ZNF491: variants seen among roughly 807,000 people sequenced by gnomAD.
The protein encoded by ZNF491 is zinc finger protein 491.
In ZNF491, 22 loss-of-function variants were observed where a neutral mutation model predicts 34.7. The observed-to-expected ratio is 0.63, with a 90% CI of 0.45 to 0.90. ZNF491 has a LOEUF of 0.90. Ranked by LOEUF, ZNF491 falls within the 40% of genes least tolerant of loss-of-function variation. The pLI, the probability that ZNF491 is intolerant of heterozygous loss-of-function variation, is 0.00. For synonymous variants in ZNF491, 148 were observed against 174.3 expected, an observed-to-expected ratio of 0.85 and a Z score of 1.19; for missense variants, 559 against 531.7, an observed-to-expected ratio of 1.05 and a Z score of -0.51.
At position 11,807,318 on chromosome 19, in the gene ZNF491, T is replaced by C. The variant is rs1220873013; in HGVS notation, c.*51T>C. ...TTTTAATAGAGACAGGGTCTCACTA[T>C]CTTGTCCAGGTTGGTCTTGAACTCC... On this transcript the variant is annotated 3_prime_UTR_variant, in exon 3 of 3. Transcript: ENST00000323169. 1 of 1,395,616 alleles carries C rather than the reference T, an allele frequency of 7.2e-7. No homozygotes were observed. Among genetic ancestry groups the C allele is most frequent in the Non-Finnish European group, 9.5e-7 (1 of 1,050,748 alleles). The allele number at this position is 1,395,616 out of a possible 1,614,324, so 86.5% of individuals were successfully genotyped here.
Position 11,806,136 on chromosome 19 carries a change from A to C in ZNF491, c.183A>C (p.Gly61=). The stretch of plus-strand genomic sequence containing the variant: ...ATAGGAACATCAGAACTGACACTGG[A>C]CACCAACCACATAAGTGTCAGAAAT... ...SFNRNIRTDT[G]HQPHKCQKFL... is the part of the protein sequence containing the mutation. The change falls in exon 3 of 3, where the codon GGA becomes GGC. Residue 61 remains glycine (G), a synonymous_variant. Coordinates refer to ENST00000323169, the MANE Select transcript of ZNF491 (RefSeq NM_152356.4). 6.2e-7 allele frequency: 1 copy of C among 1,613,936 alleles called. No individual in the cohort carries two copies. Among genetic ancestry groups the C allele is most frequent in the Non-Finnish European group, 8.5e-7 (1 of 1,180,018 alleles).
chr19:11,804,783 C>A, intron 2 of ZNF491, 116 bp downstream of exon 2: 1 of 390,358 alleles, frequency 2.6e-6, no homozygotes, highest in Non-Finnish European at 4.0e-6. Context: ...ACAAATCAGG[C>A]ATGGCTGCAG....
At position 11,806,867 on chromosome 19, in the gene ZNF491, G is replaced by A. The variant is rs1432463976; in HGVS notation, c.914G>A (p.Gly305Glu). The change falls in exon 3 of 3, where the codon GGG becomes GAG. Residue 305 changes from glycine to glutamate, a missense_variant. Transcript: ENST00000323169. ...GEKPYKCKQCGKAFTCSTSFQ... is the reference protein window; with the variant it reads ...GEKPYKCKQCEKAFTCSTSFQ... The stretch of plus-strand genomic sequence containing the variant: ...AAACCCTACAAATGCAAGCAATGTG[G>A]GAAAGCCTTCACTTGTTCCACTTCG... The A allele has an allele frequency of 1.2e-6, 2 of 1,609,862 alleles. No individual in the cohort carries two copies. The highest frequency in any genetic ancestry group is 1.7e-6 in the Non-Finnish European group (2 of 1,178,374).
In ZNF491 at chr19:11,806,354, A is replaced by C; in HGVS notation, c.401A>C (p.Lys134Thr). The stretch of plus-strand genomic sequence containing the variant: ...AGTGGAGATGGACCTTATAAATGTA[A>C]GTTTTGTGGGAAAGCCTTGGATTGT... ...THSGDGPYKC[K>T]FCGKALDCLS... Residue 134 changes from lysine (K) to threonine (T), a missense_variant, in exon 3 of 3, where the codon AAG (lysine) becomes ACG (threonine). Transcript: ENST00000323169. 1.2e-6 allele frequency: 2 copies of C among 1,612,996 alleles called. 1 individual carries two copies. The highest frequency in any genetic ancestry group is 2.2e-5 in the South Asian group (2 of 90,890).
intron 1 of ZNF491, among the ~76,000 whole-genome samples, chr19:11,803,692 T>C (rs1223913533): frequency 6.6e-6 from 1 of 152,244 alleles, no homozygotes; most frequent in East Asian, 1.9e-4. Flanking sequence ...TGCAGGAGAA[T>C]GCCACAAAGG....
intron 2 of ZNF491, 31 bp from the exon 3 acceptor site, chr19:11,805,916 C>A: frequency 6.8e-7 from 1 of 1,473,078 alleles, no homozygotes; most frequent in Non-Finnish European, 9.2e-7. Flanking sequence ...TATAAACAGA[C>A]CCTTAATTAT....
rs1052598904 is a variant in ZNF491, at chr19:11,807,991, G to C, written c.*724G>C. 6.0e-6 allele frequency: 1 copy of C among 167,122 alleles called. No homozygotes were observed. The highest frequency in any genetic ancestry group is 2.4e-5 in the African/African-American group (1 of 41,472). The allele number at this position is 167,122 out of a possible 1,614,324, so 10.4% of individuals were successfully genotyped here. A position where few individuals can be genotyped will look rare whatever the true frequency, so the allele number is the denominator to read the frequency against. ...CCAGTGTTTCCTGTTATCCACAGGAGAATGTAATGCCTCAGTTCATTTTCA... is the reference window on the plus strand; with the variant it reads ...CCAGTGTTTCCTGTTATCCACAGGACAATGTAATGCCTCAGTTCATTTTCA... On this transcript the variant is annotated 3_prime_UTR_variant, in exon 3 of 3. Coordinates refer to ENST00000323169, the MANE Select transcript of ZNF491 (RefSeq NM_152356.4).
chr19:11,798,842 CGCGTCCCCCATGGCGTGG>C lies in ZNF491; in HGVS notation c.-134+116_-134+133del. On this transcript the variant is annotated intron_variant, in intron 1 of 2. Transcript: ENST00000323169. This position sits in a 1 kb window ranked among gnomAD's most constrained non-coding sequence, Gnocchi z 4.0. Reference sequence around the variant, plus strand: ...TCGGGCGACCCCGGCGATTGGGACCCGCGTCCCCCATGGCGTGGCTTGGCCCTCGGTCCGCTCGGCCGC... The same window carrying C: ...TCGGGCGACCCCGGCGATTGGGACCCCTTGGCCCTCGGTCCGCTCGGCCGC... 1 of 152,498 alleles carries C rather than the reference CGCGTCCCCCATGGCGTGG, an allele frequency of 6.6e-6. No homozygotes were observed. Among genetic ancestry groups the C allele is most frequent in the East Asian group, 1.9e-4 (1 of 5,184 alleles). The allele number at this position is 152,498 out of a possible 1,614,324, so 9.4% of individuals were successfully genotyped here.
intron 2 of ZNF491, among the ~76,000 whole-genome samples, chr19:11,805,139 G>T (rs1446052777): frequency 6.6e-6 from 1 of 152,318 alleles, no homozygotes; most frequent in East Asian, 1.9e-4. Context: ...GCTGGCCGTG[G>T]TGGCTCACGC....
chr19:11,807,397 T>C lies in ZNF491; in HGVS notation c.*130T>C, dbSNP rs1975631075. 7 of 649,098 alleles carry C rather than the reference T, an allele frequency of 1.1e-5. No individual in the cohort carries two copies. The highest frequency in any genetic ancestry group is 1.7e-5 in the Non-Finnish European group (7 of 401,076). 40.2% of individuals were successfully genotyped at this position (649,098 alleles called of 1,614,324 possible). ...GTGTCAATAAAGGAAGGCAATAAAA[T>C]GTAGAGATGGAGTTAGGTGATGCCA... On this transcript the variant is annotated 3_prime_UTR_variant, in exon 3 of 3. Transcript: ENST00000323169.
intron 1 of ZNF491, among the ~76,000 whole-genome samples, chr19:11,803,195 C>G (rs1284959906): frequency 1.3e-5 from 2 of 152,066 alleles, no homozygotes; most frequent in Non-Finnish European, 2.9e-5. Context: ...ATTGGCCAGC[C>G]TGGTTTTGAA....
chr19:11,801,935 T>TGA (rs1160602708), intron 1 of ZNF491, among the ~76,000 whole-genome samples: 1 of 152,216 alleles, frequency 6.6e-6, no homozygotes, highest in Non-Finnish European at 1.5e-5. Flanking sequence ...TTGATTGGCA[T>TGA]TTAGGTTGAT....
At position 11,806,366 on chromosome 19, in the gene ZNF491, A is replaced by G; in HGVS notation, c.413A>G (p.Lys138Arg). Residue 138 changes from lysine to arginine, a missense_variant, in exon 3 of 3, where the codon AAA (lysine) becomes AGA (arginine). By Grantham distance (26) the Lys-to-Arg change is conservative. Coordinates refer to ENST00000323169, the MANE Select transcript of ZNF491 (RefSeq NM_152356.4). Reference protein sequence around the residue: ...DGPYKCKFCGKALDCLSLYLT... With the variant: ...DGPYKCKFCGRALDCLSLYLT... Reference sequence around the variant, plus strand: ...CCTTATAAATGTAAGTTTTGTGGGAAAGCCTTGGATTGTCTCAGTTTATAC... The same window carrying G: ...CCTTATAAATGTAAGTTTTGTGGGAGAGCCTTGGATTGTCTCAGTTTATAC... The G allele has an allele frequency of 6.2e-7, 1 of 1,613,506 alleles. No individual in the cohort carries two copies. The highest frequency in any genetic ancestry group is 1.7e-4 in the Middle Eastern group (1 of 6,058).
rs1975641068 is a variant in ZNF491, at chr19:11,808,314, G to A, written c.*1047G>A. Among the ~76,000 whole-genome samples the A allele has an allele frequency of 6.6e-6, 1 of 151,798 alleles. No individual in the cohort carries two copies. The stretch of plus-strand genomic sequence containing the variant: ...GGAGAATCTCCTGAACCTGGGAGGT[G>A]GAGGTTGCAGTGAGCCAAGATCACG... On this transcript the variant is annotated 3_prime_UTR_variant, in exon 3 of 3. Coordinates refer to ENST00000323169, the MANE Select transcript of ZNF491 (RefSeq NM_152356.4).
chr19:11,804,206 C>CAAAAAAA (rs71166629), intron 1 of ZNF491, among the ~76,000 whole-genome samples: 7 of 69,404 alleles, frequency 1.0e-4, no homozygotes, highest in African/African-American at 1.3e-4. Context: ...CCATCTCAGA[C>CAAAAAAA]AAAAAAAAAA....
chr19:11,799,986 G>A (rs991480682), intron 1 of ZNF491, among the ~76,000 whole-genome samples: 5 of 152,118 alleles, frequency 3.3e-5, no homozygotes, highest in Admixed American at 1.3e-4. Flanking sequence ...TCTGGAGGCT[G>A]AGGCAGGAGA....
At position 11,807,007 on chromosome 19, in the gene ZNF491, G is replaced by C. The variant is rs544981901; in HGVS notation, c.1054G>C (p.Glu352Gln). The change falls in exon 3 of 3, where the codon GAG (glutamate) becomes CAG (glutamine). Residue 352 changes from glutamate (E) to glutamine (Q), a missense_variant. Coordinates refer to ENST00000323169, the MANE Select transcript of ZNF491 (RefSeq NM_152356.4). ...IRIHGRTHTG[E>Q]KPYECKQCGK... ...AATACATGGAAGGACTCACACTGGTGAGAAACCCTATGAATGTAAGCAATG... is the reference window on the plus strand; with the variant it reads ...AATACATGGAAGGACTCACACTGGTCAGAAACCCTATGAATGTAAGCAATG... 1.9e-6 allele frequency: 3 copies of C among 1,612,174 alleles called. No individual in the cohort carries two copies. The South Asian group carries it at 3.3e-5, about 18-fold the overall frequency.
In ZNF491 at chr19:11,804,630, T is replaced by G. The variant is rs1975590088; in HGVS notation, c.-45T>G. On this transcript the variant is annotated 5_prime_UTR_variant, in exon 2 of 3. It removes an upstream start codon present in the reference 5' UTR. Transcript: ENST00000323169. ...CCTTTCCAGAAGATCTCTACAGAGA[T>G]GTGATGCAGGAAACCTTCACGAACC... 1 of 1,478,280 alleles carries G rather than the reference T, an allele frequency of 6.8e-7. No individual in the cohort carries two copies. The highest frequency in any genetic ancestry group is 2.4e-5 in the Admixed American group (1 of 41,206). 91.6% of individuals were successfully genotyped at this position (1,478,280 alleles called of 1,614,324 possible).
intron 2 of ZNF491, 83 bp downstream of exon 2, chr19:11,804,750 A>G (rs991976915): frequency 6.1e-6 from 4 of 652,682 alleles, no homozygotes; most frequent in Non-Finnish European, 8.5e-6. Context: ...GATTTGGAAT[A>G]TGGATAGGCA....
Sources: gnomAD v4.1 joint callset for allele counts (sites outside exome capture counted in the v4.1 genomes callset) on GRCh38, gnomAD v4.1.1 for gene constraint, Gnocchi (gnomAD v3.1) non-coding constraint, MANE v1.5 for transcripts, NCBI Gene and HGNC (gene_info 2026-07-23, HGNC 2026-07-21) for gene names.